Variants in RGS7 observed in about 807,000 individuals in gnomAD.
RGS7 encodes the protein regulator of G protein signaling 7.
In RGS7, 27 loss-of-function variants were observed where a neutral mutation model predicts 81.1. The ratio of observed to expected loss-of-function variants is 0.33; its 90% CI spans 0.25 to 0.46. The LOEUF (loss-of-function observed/expected upper bound fraction) is 0.46. Ranked by LOEUF, RGS7 falls within the 20% of genes least tolerant of loss-of-function variation. The pLI is 1.00. For missense variants in RGS7, 396 were observed against 607.4 expected (o/e 0.65, Z 3.66); for synonymous variants, 208 against 207.7 (o/e 1.00, Z -0.01).
chr1:241,221,844 C>A (rs557727811), intron 2 of RGS7, among the ~76,000 whole-genome samples: 1 of 152,180 alleles, frequency 6.6e-6, no homozygotes, highest in Non-Finnish European at 1.5e-5. Context: ...ACTTGCTAGC[C>A]TCCATAAACA....
rs113673224 is a variant in RGS7, at chr1:241,247,421, C to T, written c.78+108278G>A. Reference sequence around the variant, plus strand: ...TATTTGGTTGATGAAGGGGGCCTGCCGCTCCACACCTGTGGGTATTTCTTG... The same window carrying T: ...TATTTGGTTGATGAAGGGGGCCTGCTGCTCCACACCTGTGGGTATTTCTTG... On this transcript the variant is annotated intron_variant, in intron 2 of 18. Transcript: ENST00000440928. Among the ~76,000 whole-genome samples, 624 of 152,172 alleles carry T rather than the reference C, an allele frequency of 4.1e-3. 6 individuals are homozygous for T. Among genetic ancestry groups the T allele is most frequent in the African/African-American group, 0.014 (592 of 41,516 alleles).
intron 2 of RGS7, among the ~76,000 whole-genome samples, chr1:241,315,998 T>G (rs1387484207): frequency 6.6e-6 from 1 of 152,240 alleles, no homozygotes; most frequent in Non-Finnish European, 1.5e-5. Flanking sequence ...CTGAATCACA[T>G]TAATTGATCT....
At chr1:241,089,770 A>C (rs1219549384) in intron 3 of RGS7, among the ~76,000 whole-genome samples, 1 of 151,988 alleles carries the variant, frequency 6.6e-6, no homozygotes, top group African/African-American at 2.4e-5. Context: ...CTTTGGGAGG[A>C]AGAGGTGGGC....
chr1:241,070,324 G>A (rs370618396), intron 3 of RGS7, among the ~76,000 whole-genome samples: 124 of 138,580 alleles, frequency 8.9e-4, no homozygotes, highest in Admixed American at 7.9e-4. Flanking sequence ...AGGAGAAATG[G>A]AAAAAAAAAA....
intron 2 of RGS7, among the ~76,000 whole-genome samples, chr1:241,336,960 A>G (rs1213368175): frequency 6.6e-6 from 1 of 152,206 alleles, no homozygotes; most frequent in Non-Finnish European, 1.5e-5. Flanking sequence ...TTCAGAATCC[A>G]TATTCCAACC....
intron 2 of RGS7, among the ~76,000 whole-genome samples, chr1:241,101,890 T>G (rs1442980818): frequency 6.6e-6 from 1 of 152,222 alleles, no homozygotes; most frequent in Non-Finnish European, 1.5e-5. Context: ...GGGCTGAATT[T>G]AGGTGCGTAG....
intron 4 of RGS7, among the ~76,000 whole-genome samples, chr1:240,980,109 AAAAT>A (rs1255974635): frequency 2.4e-4 from 36 of 152,346 alleles, no homozygotes; most frequent in African/African-American, 8.4e-4. Flanking sequence ...TCTGTATTCT[AAAAT>A]AATAACAAAA....
intron 2 of RGS7, among the ~76,000 whole-genome samples, chr1:241,262,033 A>T (rs931902896): frequency 6.6e-6 from 1 of 152,126 alleles, no homozygotes; most frequent in Non-Finnish European, 1.5e-5. Flanking sequence ...AAGTGAAATG[A>T]AATTTTTATC....
At chr1:240,781,656 G>C (rs977896011) in intron 18 of RGS7, among the ~76,000 whole-genome samples, 22 of 152,274 alleles carry the variant, frequency 1.4e-4, no homozygotes, top group African/African-American at 4.6e-4. Context: ...TATCAAATGT[G>C]CAATAAGGAT....
intron 3 of RGS7, among the ~76,000 whole-genome samples, chr1:241,050,504 G>A (rs147889632): frequency 3.3e-4 from 50 of 152,184 alleles, no homozygotes; most frequent in African/African-American, 1.1e-3. Context: ...ATGAAGGTAG[G>A]CTTGTCAAAG....
intron 2 of RGS7, among the ~76,000 whole-genome samples, chr1:241,122,676 A>G (rs950364558): frequency 1.4e-4 from 22 of 151,964 alleles, no homozygotes; most frequent in African/African-American, 5.1e-4. Context: ...AAAGAAAAAA[A>G]AAAAAAAAAC....
At position 240,806,157 on chromosome 1, in the gene RGS7, T is replaced by C. The variant is rs929757263; in HGVS notation, c.1252A>G (p.Thr418Ala). Reference protein sequence around the residue: ...TQNVKEPGRYTFEDAQEHIYK... With the variant: ...TQNVKEPGRYAFEDAQEHIYK... The stretch of plus-strand genomic sequence containing the variant: ...ACACCCACCTGAGCATCTTCAAATG[T>C]GTATCGTCCAGGTTCCTTCACGTTC... The change falls in exon 15 of 19, where the codon ACA becomes GCA. Residue 418 changes from threonine (T) to alanine (A), a missense_variant. Coordinates refer to ENST00000440928, the MANE Select transcript of RGS7 (RefSeq NM_001364886.1). The C allele has an allele frequency of 1.2e-6, 2 of 1,613,750 alleles. No individual in the cohort carries two copies. The highest frequency in any genetic ancestry group is 1.7e-6 in the Non-Finnish European group (2 of 1,179,898).
intron 2 of RGS7, among the ~76,000 whole-genome samples, chr1:241,340,215 G>A (rs1000176171): frequency 6.6e-6 from 1 of 152,146 alleles, no homozygotes; most frequent in East Asian, 1.9e-4. Context: ...ATAATTGCCT[G>A]AGACTAAGAT....
At position 240,983,105 on chromosome 1, in the gene RGS7, A is replaced by G. The variant is rs545703283; in HGVS notation, c.200T>C (p.Ile67Thr). The change falls in exon 4 of 19, where the codon ATA becomes ACA. Residue 67 changes from isoleucine to threonine, a missense_variant. Coordinates refer to ENST00000440928, the MANE Select transcript of RGS7 (RefSeq NM_001364886.1). Reference sequence around the variant, plus strand: ...TGGATCTTCTATAGTTAAGTTCTTTATCAACCATTGAACAATGTCTGAACC... The same window carrying G: ...TGGATCTTCTATAGTTAAGTTCTTTGTCAACCATTGAACAATGTCTGAACC... ...FSGSDIVQWL[I>T]KNLTIEDPVE... The G allele has an allele frequency of 2.0e-5, 31 of 1,546,098 alleles. No individual in the cohort carries two copies. In the Middle Eastern group the frequency reaches 6.7e-4, roughly 34 times the overall value.
At chr1:241,186,152 G>A (rs2072080035) in intron 2 of RGS7, among the ~76,000 whole-genome samples, 1 of 151,954 alleles carries the variant, frequency 6.6e-6, no homozygotes, top group Non-Finnish European at 1.5e-5. Flanking sequence ...CACAAAGACA[G>A]CATCAATATT....
chr1:240,791,116 T>C (rs1344844938), intron 18 of RGS7, among the ~76,000 whole-genome samples: 1 of 152,080 alleles, frequency 6.6e-6, no homozygotes, highest in African/African-American at 2.4e-5. Flanking sequence ...ATGATGAACT[T>C]TTTTTCCCCC....
chr1:241,306,383 C>T (rs1162104332), intron 2 of RGS7, among the ~76,000 whole-genome samples: 1 of 149,470 alleles, frequency 6.7e-6, no homozygotes, highest in Non-Finnish European at 1.5e-5. Context: ...ACGCACACAC[C>T]CTTACACCCT....
intron 6 of RGS7, among the ~76,000 whole-genome samples, chr1:240,879,400 T>G (rs535573525): frequency 2.6e-4 from 39 of 152,376 alleles, no homozygotes; most frequent in Admixed American, 4.6e-4. Flanking sequence ...TACTTCTCTT[T>G]CCTCTGGAAA....
intron 14 of RGS7, among the ~76,000 whole-genome samples, chr1:240,811,314 T>A (rs1689810288): frequency 6.6e-6 from 1 of 152,238 alleles, no homozygotes; most frequent in Non-Finnish European, 1.5e-5. Context: ...AATTTTCAGA[T>A]CCTCCTTATG....
Sources: gnomAD v4.1 joint callset for allele counts (sites outside exome capture counted in the v4.1 genomes callset) on GRCh38, gnomAD v4.1.1 for gene constraint, MANE v1.5 for transcripts, NCBI Gene and HGNC (gene_info 2026-07-23, HGNC 2026-07-21) for gene names.